PCSK2: variants seen among roughly 807,000 people sequenced by gnomAD.
PCSK2 encodes the protein proprotein convertase subtilisin/kexin type 2.
PCSK2 carries 14 observed loss-of-function variants against 69.7 expected under a neutral mutation model. The ratio of observed to expected loss-of-function variants is 0.20; its 90% CI spans 0.13 to 0.31. The LOEUF is 0.31. Ranked by LOEUF, PCSK2 falls within the 10% of genes least tolerant of loss-of-function variation. The pLI is 1.00. For synonymous variants in PCSK2, 307 were observed against 320.7 expected (o/e 0.96, Z 0.46); for missense variants, 544 against 842.5 (o/e 0.65, Z 4.39).
At chr20:17,413,624 C>T (rs781750074) in intron 6 of PCSK2, among the ~76,000 whole-genome samples, 16 of 152,146 alleles carry the variant, frequency 1.1e-4, no homozygotes, top group Non-Finnish European at 1.9e-4. Flanking sequence ...GACAGATCAA[C>T]GAGACAGAAG....
At chr20:17,449,548 G>GTATATATATATATATAT (rs1371948893) in intron 8 of PCSK2, among the ~76,000 whole-genome samples, 1 of 131,608 alleles carries the variant, frequency 7.6e-6, no homozygotes, top group Non-Finnish European at 1.6e-5. Context: ...ATGTATATTT[G>GTATATATATATATATAT]AGACTGAGTT....
At chr20:17,389,685 A>G (rs2031325872) in intron 5 of PCSK2, among the ~76,000 whole-genome samples, 1 of 152,124 alleles carries the variant, frequency 6.6e-6, no homozygotes, top group South Asian at 2.1e-4. Context: ...TAGAATGGGT[A>G]AGGGTTCAGT....
rs76650216 is a variant in PCSK2, at chr20:17,236,490, C to G, written c.177+9008C>G. On this transcript the variant is annotated intron_variant, in intron 1 of 11. Transcript: ENST00000262545. ...TTTGTAAAATGGGGAAATTAGCATC[C>G]TGACACTTTCTCTCAGCTTCCCTAC... 8.8e-3 allele frequency among the ~76,000 whole-genome samples: 1,345 copies of G among 152,174 alleles called. 41 individuals carry two copies. The East Asian group carries it at 0.12, about 13-fold the overall frequency.
chr20:17,399,428 A>G (rs970246274), intron 5 of PCSK2, among the ~76,000 whole-genome samples: 2 of 152,238 alleles, frequency 1.3e-5, no homozygotes, highest in Non-Finnish European at 2.9e-5. Context: ...AAGGGAAACT[A>G]TAAATCACTA....
chr20:17,368,940 C>A (rs1028468819), intron 4 of PCSK2, among the ~76,000 whole-genome samples: 1 of 152,216 alleles, frequency 6.6e-6, no homozygotes, highest in Non-Finnish European at 1.5e-5. Flanking sequence ...CCAGTTGATG[C>A]TTTAAAAATG....
intron 11 of PCSK2, among the ~76,000 whole-genome samples, chr20:17,478,933 A>C (rs555767198): frequency 6.6e-6 from 1 of 152,240 alleles, no homozygotes; most frequent in Admixed American, 6.5e-5. Context: ...GCCAATTGCT[A>C]TGATATTGCT....
chr20:17,385,394 C>T (rs1365112024), intron 5 of PCSK2, among the ~76,000 whole-genome samples: 2 of 152,168 alleles, frequency 1.3e-5, no homozygotes, highest in East Asian at 3.9e-4. Context: ...AAATTGAACT[C>T]TTGTCTGTTG....
rs1312593580 is a variant in PCSK2, at chr20:17,227,067, C to G, written c.-239C>G. ...TCTTTCTCTCCGGTACACACAGCTC[C>G]CCACATTCGCACCCCTGCCCGCGCG... On this transcript the variant is annotated 5_prime_UTR_variant, in exon 1 of 12. Transcript: ENST00000262545. 1 of 534,276 alleles carries G rather than the reference C, an allele frequency of 1.9e-6. No individual in the cohort carries two copies. The highest frequency in any genetic ancestry group is 3.3e-6 in the Non-Finnish European group (1 of 301,814). The allele number at this position is 534,276 out of a possible 1,614,324, so 33.1% of individuals were successfully genotyped here. A position where few individuals can be genotyped will look rare whatever the true frequency, so the allele number is the denominator to read the frequency against.
At chr20:17,385,196 A>G (rs2031203768) in intron 5 of PCSK2, among the ~76,000 whole-genome samples, 1 of 152,218 alleles carries the variant, frequency 6.6e-6, no homozygotes, top group African/African-American at 2.4e-5. Flanking sequence ...CTTTAAGAAT[A>G]GGTCTGCTGA....
intron 2 of PCSK2, among the ~76,000 whole-genome samples, chr20:17,279,944 A>T: frequency 6.6e-6 from 1 of 151,910 alleles, no homozygotes; most frequent in East Asian, 1.9e-4. Flanking sequence ...TACAAAAGTA[A>T]TGCATATATG....
At chr20:17,286,444 T>A (rs941882635) in intron 2 of PCSK2, among the ~76,000 whole-genome samples, 1 of 152,150 alleles carries the variant, frequency 6.6e-6, no homozygotes, top group Non-Finnish European at 1.5e-5. Flanking sequence ...GAGCAAGCTC[T>A]CTGCACAGGA....
chr20:17,454,582 A>G (rs1487694728), intron 9 of PCSK2, among the ~76,000 whole-genome samples: 1 of 152,230 alleles, frequency 6.6e-6, no homozygotes, highest in African/African-American at 2.4e-5. Flanking sequence ...AACTAGGTAT[A>G]ATGGTGAATT....
At chr20:17,441,202 G>A (rs566753725) in intron 8 of PCSK2, among the ~76,000 whole-genome samples, 11 of 152,270 alleles carry the variant, frequency 7.2e-5, no homozygotes, top group Non-Finnish European at 1.0e-4. Flanking sequence ...ACCTGCCCTT[G>A]ATGCTTTCAG....
intron 1 of PCSK2, among the ~76,000 whole-genome samples, chr20:17,260,024 G>C (rs1987317414): frequency 6.6e-6 from 1 of 152,142 alleles, no homozygotes; most frequent in Admixed American, 6.5e-5. Context: ...TGGGGAGCAG[G>C]AGGAGAGTGG....
chr20:17,245,830 C>T (rs1986750847), intron 1 of PCSK2, among the ~76,000 whole-genome samples: 1 of 152,206 alleles, frequency 6.6e-6, no homozygotes, highest in African/African-American at 2.4e-5. Context: ...TGCTTTCAAT[C>T]TGTTTGACTT....
intron 8 of PCSK2, among the ~76,000 whole-genome samples, chr20:17,438,607 T>C (rs919569075): frequency 1.6e-4 from 25 of 152,184 alleles, no homozygotes; most frequent in African/African-American, 5.3e-4. Flanking sequence ...ATGGATGCCA[T>C]TGGTGCCCAC....
At chr20:17,345,284 T>C (rs1338905602) in intron 2 of PCSK2, among the ~76,000 whole-genome samples, 6 of 152,232 alleles carry the variant, frequency 3.9e-5, no homozygotes, top group Non-Finnish European at 8.8e-5. Context: ...CATGAATATA[T>C]TGACCATTAT....
At chr20:17,442,161 G>A (rs1020109138) in intron 8 of PCSK2, among the ~76,000 whole-genome samples, 1 of 151,856 alleles carries the variant, frequency 6.6e-6, no homozygotes, top group East Asian at 1.9e-4. Flanking sequence ...CGGGAGCTGG[G>A]AAAGGAATGG....
rs529953046 is a variant in PCSK2, at chr20:17,432,725, T to C, written c.709+3202T>C. 4.6e-5 allele frequency among the ~76,000 whole-genome samples: 7 copies of C among 152,344 alleles called. No individual in the cohort carries two copies. The South Asian group carries it at 1.5e-3, about 32-fold the overall frequency. Reference sequence around the variant, plus strand: ...ATGGTTTTTGCAAATTTGTCAAATGTATATTTCTGAAAATATTAAAGCTCG... The same window carrying C: ...ATGGTTTTTGCAAATTTGTCAAATGCATATTTCTGAAAATATTAAAGCTCG... On this transcript the variant is annotated intron_variant, in intron 7 of 11. Coordinates refer to ENST00000262545, the MANE Select transcript of PCSK2 (RefSeq NM_002594.5).
Sources: gnomAD v4.1 joint callset for allele counts (sites outside exome capture counted in the v4.1 genomes callset) on GRCh38, gnomAD v4.1.1 for gene constraint, MANE v1.5 for transcripts, NCBI Gene and HGNC (gene_info 2026-07-23, HGNC 2026-07-21) for gene names.